DNAJC5B: variants seen among roughly 807,000 people sequenced by gnomAD.
DNAJC5B encodes DnaJ heat shock protein family (Hsp40) member C5 beta, also known as dnaJ homolog subfamily C member 5B.
In DNAJC5B, 23 loss-of-function variants were observed where a neutral mutation model predicts 24.7. The ratio of observed to expected loss-of-function variants is 0.93; its 90% CI spans 0.67 to 1.32. DNAJC5B has a LOEUF of 1.32. DNAJC5B is among the 40% of genes most tolerant of loss of function. The pLI is 0.00. For synonymous variants in DNAJC5B, 101 were observed against 90.1 expected (o/e 1.12, Z -0.68); for missense variants, 238 against 240.8 (o/e 0.99, Z 0.08).
At chr8:66,018,114 G>C (rs1184957193), upstream of DNAJC5B, among the ~76,000 whole-genome samples, 1 of 152,192 alleles carries the variant, frequency 6.6e-6, no homozygotes, top group African/African-American at 2.4e-5. Context: ...AGTTCTCAAA[G>C]TCTGGTGTCC....
intron 5 of DNAJC5B, among the ~76,000 whole-genome samples, chr8:66,081,671 G>C (rs1807598909): frequency 6.6e-6 from 1 of 152,036 alleles, no homozygotes; most frequent in African/African-American, 2.4e-5. Context: ...TCAGAGGAAG[G>C]GGTCTTCAAT....
At chr8:66,080,351 A>G (rs749528340) in intron 4 of DNAJC5B, 26 bp from the exon 5 acceptor site, 1 of 1,599,870 alleles carries the variant, frequency 6.3e-7, no homozygotes, top group African/African-American at 1.3e-5. Flanking sequence ...CCTCATCCTC[A>G]TTTTGCTTTA....
At chr8:66,037,789 AGCCTTG>A (rs2128957329) in intron 1 of DNAJC5B, among the ~76,000 whole-genome samples, 1 of 152,340 alleles carries the variant, frequency 6.6e-6, no homozygotes, top group Admixed American at 6.5e-5. Context: ...CAATTTAGTG[AGCCTTG>A]GCTGTTTGTA....
chr8:66,064,025 G>A (rs1201703244), intron 3 of DNAJC5B, among the ~76,000 whole-genome samples: 13 of 152,150 alleles, frequency 8.5e-5, no homozygotes, highest in Non-Finnish European at 1.5e-5. Flanking sequence ...TCTTGGGGGT[G>A]AAACAGGAAA....
chr8:66,080,908 A>T (rs796121306), intron 5 of DNAJC5B, among the ~76,000 whole-genome samples: 168 of 152,294 alleles, frequency 1.1e-3, no homozygotes, highest in African/African-American at 3.2e-3. Context: ...TCACAGAAAA[A>T]GTATTTCAGC....
chr8:66,022,368 G>A (rs1187939778), intron 1 of DNAJC5B, among the ~76,000 whole-genome samples: 1 of 152,200 alleles, frequency 6.6e-6, no homozygotes, highest in Non-Finnish European at 1.5e-5. Context: ...TTTACCAGTG[G>A]GGCGGAGCAT....
chr8:66,016,889 G>A (rs556736192), upstream of DNAJC5B, among the ~76,000 whole-genome samples: 2 of 152,290 alleles, frequency 1.3e-5, no homozygotes, highest in South Asian at 4.1e-4. Context: ...TTGGAATGTA[G>A]GTCTTCACAG....
At chr8:66,083,289 G>C (rs914313323) in intron 5 of DNAJC5B, among the ~76,000 whole-genome samples, 2 of 151,968 alleles carry the variant, frequency 1.3e-5, no homozygotes, top group Non-Finnish European at 2.9e-5. Flanking sequence ...AGGATTACAG[G>C]TGTGAGCCAC....
At chr8:66,031,996 C>T (rs142263318) in intron 1 of DNAJC5B, among the ~76,000 whole-genome samples, 1 of 152,356 alleles carries the variant, frequency 6.6e-6, no homozygotes, top group Non-Finnish European at 1.5e-5. Context: ...CCACAAAGAC[C>T]TCCCATATGG....
upstream of DNAJC5B, among the ~76,000 whole-genome samples, chr8:66,020,333 T>C (rs1228023790): frequency 6.6e-6 from 1 of 152,240 alleles, no homozygotes; most frequent in East Asian, 1.9e-4. Context: ...AAGCATGATG[T>C]AAAATGTTAT....
chr8:66,033,180 T>G (rs1236760263), intron 1 of DNAJC5B, among the ~76,000 whole-genome samples: 1 of 152,226 alleles, frequency 6.6e-6, no homozygotes, highest in Non-Finnish European at 1.5e-5. Context: ...GAGGTGGCCT[T>G]GCAGGAAGGC....
At chr8:66,049,782 A>G (rs1164663434) in intron 2 of DNAJC5B, among the ~76,000 whole-genome samples, 1 of 152,232 alleles carries the variant, frequency 6.6e-6, no homozygotes, top group African/African-American at 2.4e-5. Context: ...GTAGGAAGCA[A>G]TCAAAGTGAG....
At chr8:66,076,994 G>A in intron 4 of DNAJC5B, 121 bp downstream of exon 4, 1 of 987,864 alleles carries the variant, frequency 1.0e-6, no homozygotes, top group South Asian at 1.6e-5. Context: ...AATAAAAGGA[G>A]ATATTGCTTC....
intron 5 of DNAJC5B, among the ~76,000 whole-genome samples, chr8:66,091,646 A>C (rs751421788): frequency 6.6e-5 from 10 of 152,206 alleles, no homozygotes; most frequent in Non-Finnish European, 1.2e-4. Context: ...AGATATGCTT[A>C]GACAAAGGTT....
At chr8:66,042,363 G>A (rs1181820292) in intron 1 of DNAJC5B, among the ~76,000 whole-genome samples, 1 of 152,114 alleles carries the variant, frequency 6.6e-6, no homozygotes, top group Non-Finnish European at 1.5e-5. Context: ...AAAGATTAAT[G>A]GTTAAGGAGA....
chr8:66,072,856 A>G (rs1490669485), intron 3 of DNAJC5B, among the ~76,000 whole-genome samples: 1 of 152,222 alleles, frequency 6.6e-6, no homozygotes, highest in Non-Finnish European at 1.5e-5. Context: ...TTCATCTAAC[A>G]TTTAAAAACT....
At chr8:66,024,121 T>C (rs1158948467) in intron 1 of DNAJC5B, among the ~76,000 whole-genome samples, 2 of 152,220 alleles carry the variant, frequency 1.3e-5, no homozygotes, top group African/African-American at 2.4e-5. Context: ...CCAACTAAAA[T>C]GTGTACTTCC....
chr8:66,018,649 G>T (rs1354464925), upstream of DNAJC5B, among the ~76,000 whole-genome samples: 1 of 152,182 alleles, frequency 6.6e-6, no homozygotes, highest in African/African-American at 2.4e-5. Context: ...TACACCACAA[G>T]CTCCTGGAGA....
intron 2 of DNAJC5B, among the ~76,000 whole-genome samples, chr8:66,048,107 A>G (rs1199053259): frequency 1.3e-5 from 2 of 152,154 alleles, no homozygotes; most frequent in African/African-American, 2.4e-5. Flanking sequence ...AAGTATATGC[A>G]AAGCAACCTG....
Sources: gnomAD v4.1 joint callset for allele counts (sites outside exome capture counted in the v4.1 genomes callset) on GRCh38, gnomAD v4.1.1 for gene constraint, MANE v1.5 for transcripts, NCBI Gene and HGNC (gene_info 2026-07-23, HGNC 2026-07-21) for gene names.